IQCK: variants seen among roughly 807,000 people sequenced by gnomAD.
The protein encoded by IQCK is IQ motif containing K.
A neutral mutation model predicts 28.1 loss-of-function variants in IQCK; 29 were observed. The ratio of observed to expected loss-of-function variants is 1.03; its 90% CI spans 0.77 to 1.41. The LOEUF is 1.41. Among genes scored for constraint, IQCK ranks in the 40% most tolerant of loss-of-function variants. IQCK has a pLI of 0.00. For synonymous variants in IQCK, 113 were observed against 115.1 expected (o/e 0.98, Z 0.12); for missense variants, 359 against 314.7 (o/e 1.14, Z -1.07).
intron 9 of IQCK, among the ~76,000 whole-genome samples, chr16:19,845,413 C>T (rs1294013837): frequency 6.6e-6 from 1 of 152,190 alleles, no homozygotes; most frequent in Non-Finnish European, 1.5e-5. Flanking sequence ...GTTTGGGCAG[C>T]GGCAGCTGAG....
chr16:19,829,307 T>A (rs574896339), downstream of IQCK, among the ~76,000 whole-genome samples: 1 of 151,128 alleles, frequency 6.6e-6, no homozygotes, highest in South Asian at 2.1e-4. Flanking sequence ...GCCAATGCCT[T>A]CTTCACCGTG....
intron 7 of IQCK, among the ~76,000 whole-genome samples, chr16:19,806,050 C>T (rs1319470046): frequency 3.9e-5 from 6 of 152,070 alleles, no homozygotes; most frequent in Admixed American, 2.0e-4. Flanking sequence ...AAAGACATCT[C>T]GGCTACTATT....
intron 9 of IQCK, among the ~76,000 whole-genome samples, chr16:19,848,084 G>A (rs227762): frequency 0.58 from 88,734 of 152,132 alleles, 27,295 homozygotes; most frequent in East Asian, 0.84. Context: ...TTTCCAACTC[G>A]TTTTCCAAAG....
exon 1 of IQCK, chr16:19,718,440 A>C: frequency 6.2e-7 from 1 of 1,606,642 alleles, no homozygotes; most frequent in Non-Finnish European, 8.5e-7. Flanking sequence ...TCGTCGTGGC[A>C]GGTCACCGAG....
chr16:19,777,091 A>G (rs894470082), intron 6 of IQCK, among the ~76,000 whole-genome samples: 3 of 152,252 alleles, frequency 2.0e-5, no homozygotes, highest in Admixed American at 6.5e-5. Flanking sequence ...GAAAGACATC[A>G]TTAAAACTGA....
chr16:19,815,562 A>T (rs1461130506), intron 7 of IQCK, among the ~76,000 whole-genome samples: 1 of 152,096 alleles, frequency 6.6e-6, no homozygotes, highest in Non-Finnish European at 1.5e-5. Context: ...TACCAGCTAG[A>T]TGGGAGGCTG....
At chr16:19,744,964 G>C (rs1162641955) in intron 4 of IQCK, among the ~76,000 whole-genome samples, 1 of 152,196 alleles carries the variant, frequency 6.6e-6, no homozygotes, top group African/African-American at 2.4e-5. Context: ...AAAGGTAACA[G>C]AATGCAGATA....
At chr16:19,757,841 T>A (rs928197647) in intron 4 of IQCK, among the ~76,000 whole-genome samples, 1 of 152,164 alleles carries the variant, frequency 6.6e-6, no homozygotes, top group African/African-American at 2.4e-5. Context: ...ATTCTACAAT[T>A]TCCATTTTGC....
intron 7 of IQCK, among the ~76,000 whole-genome samples, chr16:19,810,814 AAAAG>A (rs1231733785): frequency 2.2e-3 from 330 of 152,198 alleles, no homozygotes; most frequent in Non-Finnish European, 3.8e-3. Flanking sequence ...AAAAAAAAAA[AAAAG>A]AAAGAAAATG....
At chr16:19,823,912 G>A (rs564308147) in intron 7 of IQCK, among the ~76,000 whole-genome samples, 114 of 151,486 alleles carry the variant, frequency 7.5e-4, no homozygotes, top group Non-Finnish European at 1.4e-3. Context: ...CAGCCTAGGC[G>A]GCAGAGTGAG....
intron 9 of IQCK, among the ~76,000 whole-genome samples, chr16:19,841,534 C>T (rs571636444): frequency 2.8e-4 from 42 of 152,268 alleles, no homozygotes; most frequent in African/African-American, 9.6e-4. Context: ...ACTTAACCTT[C>T]CTGATCACTC....
At chr16:19,775,510 C>T (rs1429729426) in intron 6 of IQCK, among the ~76,000 whole-genome samples, 3 of 152,148 alleles carry the variant, frequency 2.0e-5, no homozygotes, top group South Asian at 2.1e-4. Context: ...TAACTTACAT[C>T]GCAACCCTAC....
At chr16:19,783,460 ATTTAAGCAC>A in intron 6 of IQCK, among the ~76,000 whole-genome samples, 1 of 152,222 alleles carries the variant, frequency 6.6e-6, no homozygotes, top group East Asian at 1.9e-4. Context: ...GGGATGTCTG[ATTTAAGCAC>A]TTTAAGGCCT....
At chr16:19,773,742 T>C (rs967659322) in intron 6 of IQCK, among the ~76,000 whole-genome samples, 2 of 152,310 alleles carry the variant, frequency 1.3e-5, no homozygotes, top group Admixed American at 1.3e-4. Context: ...TGATTCCCTG[T>C]TTCAGGTGGA....
chr16:19,763,556 C>A (rs1043343211), intron 4 of IQCK, among the ~76,000 whole-genome samples: 1 of 152,184 alleles, frequency 6.6e-6, no homozygotes, highest in Admixed American at 6.5e-5. Context: ...AATTCTCCTG[C>A]CTCAGCCTCC....
At chr16:19,778,728 G>A (rs577120478) in intron 6 of IQCK, among the ~76,000 whole-genome samples, 2 of 152,216 alleles carry the variant, frequency 1.3e-5, no homozygotes, top group East Asian at 1.9e-4. Flanking sequence ...GCAGAGAGCT[G>A]GAGAACTGCT....
chr16:19,725,003 T>G (rs528081716), intron 1 of IQCK, among the ~76,000 whole-genome samples: 1 of 152,188 alleles, frequency 6.6e-6, no homozygotes, highest in South Asian at 2.1e-4. Context: ...CCAACAAGTT[T>G]CCGGGCTCCT....
chr16:19,775,710 G>A (rs1341628218), intron 6 of IQCK, among the ~76,000 whole-genome samples: 1 of 152,080 alleles, frequency 6.6e-6, no homozygotes, highest in African/African-American at 2.4e-5. Flanking sequence ...GAATGTAGGA[G>A]GTCCCTCAGC....
At chr16:19,758,595 C>T (rs1222797590) in intron 4 of IQCK, among the ~76,000 whole-genome samples, 2 of 152,132 alleles carry the variant, frequency 1.3e-5, no homozygotes, top group African/African-American at 2.4e-5. Flanking sequence ...AATTATTATA[C>T]GGCAATTCAG....
Sources: gnomAD v4.1 joint callset for allele counts (sites outside exome capture counted in the v4.1 genomes callset) on GRCh38, gnomAD v4.1.1 for gene constraint, MANE v1.5 for transcripts, NCBI Gene and HGNC (gene_info 2026-07-23, HGNC 2026-07-21) for gene names.